CHL1: variants seen among roughly 807,000 people sequenced by gnomAD.
CHL1 encodes the protein cell adhesion molecule L1 like.
CHL1 carries 96 observed loss-of-function variants against 141.9 expected under a neutral mutation model. That is an observed-to-expected ratio of 0.68 (90% CI 0.57 to 0.80). The LOEUF (loss-of-function observed/expected upper bound fraction) is 0.80, where lower values mean the gene tolerates loss of function less well. Ranked by LOEUF, CHL1 falls within the 30% of genes least tolerant of loss-of-function variation. The probability of loss-of-function intolerance (pLI) is 0.00; values close to 1 mark genes in which losing one functional copy is unlikely to be tolerated. For missense variants in CHL1, 1,820 were observed against 1,457.2 expected (o/e 1.25, Z -4.05); for synonymous variants, 613 against 502.2 (o/e 1.22, Z -2.95).
At chr3:223,339 A>G (rs986320963) in intron 1 of CHL1, among the ~76,000 whole-genome samples, 1 of 152,194 alleles carries the variant, frequency 6.6e-6, no homozygotes, top group African/African-American at 2.4e-5. Flanking sequence ...GAAGATAAAC[A>G]TCCTCTAAAT....
chr3:252,407 T>TATATATC (rs1553596205), intron 2 of CHL1, among the ~76,000 whole-genome samples: 1 of 144,260 alleles, frequency 6.9e-6, no homozygotes, highest in East Asian at 2.0e-4. Flanking sequence ...TATATTTCTA[T>TATATATC]TTTGGTATTT....
intron 9 of CHL1, among the ~76,000 whole-genome samples, chr3:348,725 G>C (rs550639989): frequency 1.2e-3 from 180 of 152,282 alleles, no homozygotes; most frequent in South Asian, 3.7e-3. Context: ...GGAAGATTTG[G>C]TTCATTCCTC....
chr3:202,282 T>C (rs1037974572), intron 1 of CHL1, among the ~76,000 whole-genome samples: 1 of 152,198 alleles, frequency 6.6e-6, no homozygotes, highest in African/African-American at 2.4e-5. Context: ...TCATGTTCAG[T>C]ATGTGAATGA....
intron 1 of CHL1, among the ~76,000 whole-genome samples, chr3:215,493 T>A (rs1700240879): frequency 6.6e-6 from 1 of 152,170 alleles, no homozygotes; most frequent in Non-Finnish European, 1.5e-5. Flanking sequence ...TATAGCATAG[T>A]TGGGTGACTA....
chr3:389,297 G>A lies in CHL1; in HGVS notation c.2293G>A (p.Val765Met). The A allele has an allele frequency of 6.2e-7, 1 of 1,613,904 alleles. No homozygotes were observed. Among genetic ancestry groups the A allele is most frequent in the East Asian group, 2.2e-5 (1 of 44,876 alleles). Residue 765 changes from valine to methionine, a missense_variant, in exon 20 of 28, where the codon GTG becomes ATG. Physicochemically the swap from Val to Met is conservative, Grantham distance 21. Coordinates refer to ENST00000256509, the MANE Select transcript of CHL1 (RefSeq NM_006614.4). Reference protein sequence around the residue: ...EQNGPGLEYRVTWKPQGAPVE... With the variant: ...EQNGPGLEYRMTWKPQGAPVE... ...GAATGGACCAGGCCTAGAGTACAGA[G>A]TGACCTGGAAGCCACAGGGAGCCCC... is the stretch of plus-strand genomic sequence containing the variant.
At chr3:330,694 G>C (rs547623574) in intron 5 of CHL1, among the ~76,000 whole-genome samples, 8 of 152,242 alleles carry the variant, frequency 5.3e-5, no homozygotes, top group African/African-American at 1.9e-4. Flanking sequence ...CTATAGTTTA[G>C]TTTTTGTTTC....
chr3:248,913 C>T (rs1204568746), intron 2 of CHL1, among the ~76,000 whole-genome samples: 1 of 152,154 alleles, frequency 6.6e-6, no homozygotes, highest in East Asian at 1.9e-4. Context: ...ACAGACTGCA[C>T]ATATAAAATG....
chr3:221,978 A>C (rs940698552), intron 1 of CHL1, among the ~76,000 whole-genome samples: 4 of 152,256 alleles, frequency 2.6e-5, no homozygotes, highest in Non-Finnish European at 5.9e-5. Context: ...TGAATATAAT[A>C]TCACTTCATC....
chr3:343,706 A>C (rs191618498), intron 8 of CHL1, among the ~76,000 whole-genome samples: 1 of 152,178 alleles, frequency 6.6e-6, no homozygotes, highest in Admixed American at 6.6e-5. Context: ...GATACCTTGC[A>C]TACTTGCAAG....
At chr3:311,642 C>G (rs1196940321) in intron 2 of CHL1, among the ~76,000 whole-genome samples, 1 of 152,202 alleles carries the variant, frequency 6.6e-6, no homozygotes, top group Non-Finnish European at 1.5e-5. Flanking sequence ...GTCTTACCCT[C>G]TTATGAGCTG....
chr3:335,194 T>G (rs1351675697), intron 5 of CHL1, among the ~76,000 whole-genome samples: 1 of 152,240 alleles, frequency 6.6e-6, no homozygotes, highest in East Asian at 1.9e-4. Flanking sequence ...TAGCCTGTGC[T>G]AAATTCTCCT....
chr3:222,759 C>T (rs1398542137), intron 1 of CHL1, among the ~76,000 whole-genome samples: 1 of 151,986 alleles, frequency 6.6e-6, no homozygotes, highest in Non-Finnish European at 1.5e-5. Context: ...TTGGTGGATC[C>T]ATCCTATTTT....
At chr3:404,224 T>C (rs1709359781) in intron 27 of CHL1, among the ~76,000 whole-genome samples, 3 of 151,852 alleles carry the variant, frequency 2.0e-5, no homozygotes, top group South Asian at 4.2e-4. Context: ...TTTGCTCACT[T>C]TTTTTTTAAA....
At chr3:380,091 C>T (rs1217130825) in intron 16 of CHL1, among the ~76,000 whole-genome samples, 3 of 152,148 alleles carry the variant, frequency 2.0e-5, no homozygotes, top group Non-Finnish European at 4.4e-5. Flanking sequence ...ATATCAGATG[C>T]AATACACAGC....
chr3:198,085 G>T, intron 1 of CHL1: 1 of 291,566 alleles, frequency 3.4e-6, no homozygotes, highest in Non-Finnish European at 6.9e-6. Flanking sequence ...GCAGCCGCGC[G>T]GGCCCAGGTA....
At chr3:338,357 T>G (rs967756609) in intron 5 of CHL1, among the ~76,000 whole-genome samples, 57 of 152,322 alleles carry the variant, frequency 3.7e-4, no homozygotes, top group African/African-American at 1.4e-3. Context: ...TTAAAAATAT[T>G]ACTGTTGTCC....
At chr3:328,749 C>G (rs972066520) in intron 5 of CHL1, among the ~76,000 whole-genome samples, 12 of 152,104 alleles carry the variant, frequency 7.9e-5, no homozygotes, top group Non-Finnish European at 1.3e-4. Context: ...TTTCATGCAG[C>G]CTTCTTGCTG....
chr3:274,757 G>A (rs1217172125), intron 2 of CHL1, among the ~76,000 whole-genome samples: 1 of 152,142 alleles, frequency 6.6e-6, no homozygotes, highest in African/African-American at 2.4e-5. Context: ...GTGAAATACA[G>A]GTGTATCTGT....
intron 10 of CHL1, among the ~76,000 whole-genome samples, chr3:353,498 C>A (rs556917788): frequency 2.4e-4 from 37 of 152,192 alleles, no homozygotes; most frequent in Non-Finnish European, 5.0e-4. Context: ...CTTATGAATA[C>A]AGATATTTAA....
Sources: allele counts gnomAD v4.1 joint callset (sites outside exome capture counted in the v4.1 genomes callset), GRCh38; gene constraint gnomAD v4.1.1; transcripts MANE v1.5; gene names NCBI Gene and HGNC (gene_info 2026-07-23, HGNC 2026-07-21).